Variants in HSD17B14 observed in about 807,000 individuals in gnomAD.
HSD17B14 encodes the protein hydroxysteroid 17-beta dehydrogenase 14, also known as L-fucose dehydrogenase.
A neutral mutation model predicts 32.2 loss-of-function variants in HSD17B14; 32 were observed. The observed-to-expected ratio is 0.99, with a 90% confidence interval of 0.75 to 1.33. HSD17B14 has a LOEUF of 1.33. Among genes scored for constraint, HSD17B14 ranks in the 40% most tolerant of loss-of-function variants. The pLI, the probability that HSD17B14 is intolerant of heterozygous loss-of-function variation, is 0.00. For synonymous variants in HSD17B14, 140 were observed against 155.4 expected (o/e 0.90, Z 0.74); for missense variants, 370 against 366.5 (o/e 1.01, Z -0.08).
intron 6 of HSD17B14, among the ~76,000 whole-genome samples, 172 bp downstream of exon 6, chr19:48,814,865 A>T (rs1333415863): frequency 1.3e-5 from 2 of 151,982 alleles, no homozygotes; most frequent in African/African-American, 4.8e-5. Context: ...AAAGAAAAGA[A>T]AAAACAGAAA....
chr19:48,819,092 A>T (rs186885695), intron 5 of HSD17B14, among the ~76,000 whole-genome samples: 5 of 152,202 alleles, frequency 3.3e-5, no homozygotes, highest in Non-Finnish European at 4.4e-5. Flanking sequence ...AGGTTCAAGC[A>T]ATTCTTCTGC....
chr19:48,814,202 A>AAAG (rs10685064), intron 6 of HSD17B14, among the ~76,000 whole-genome samples: 79,009 of 147,654 alleles, frequency 0.54, 21,590 homozygotes, highest in African/African-American at 0.67. Context: ...CTAAAAAAAA[A>AAAG]AAGAAGAAAA....
chr19:48,818,168 G>A (rs77954385), intron 5 of HSD17B14, among the ~76,000 whole-genome samples: 34,116 of 151,498 alleles, frequency 0.23, 3,942 homozygotes, highest in Admixed American at 0.26. Flanking sequence ...AAAATTAGCC[G>A]GGTGTGGTGG....
At chr19:48,833,909 G>A (rs2035395785) in intron 3 of HSD17B14, among the ~76,000 whole-genome samples, 1 of 152,072 alleles carries the variant, frequency 6.6e-6, no homozygotes, top group Admixed American at 6.6e-5. Flanking sequence ...AGAATGGCTT[G>A]AACTCGGTAG....
At chr19:48,823,638 T>C (rs1180840431) in intron 5 of HSD17B14, among the ~76,000 whole-genome samples, 4 of 128,984 alleles carry the variant, frequency 3.1e-5, no homozygotes, top group African/African-American at 1.3e-4. Context: ...TTTTCTTTTT[T>C]CTTTCTTTTT....
Position 48,832,777 on chromosome 19 carries a change from G to C in HSD17B14, c.211-45C>G, listed in dbSNP as rs1419752389. ...CCTTTGTTTTTTTTTTTTGGAGACG[G>C]TGTCTCCCTCTTGTCACTCAGGCTG... On this transcript the variant is annotated intron_variant, in intron 3 of 8. Transcript: ENST00000263278. 5.4e-6 allele frequency: 8 copies of C among 1,469,356 alleles called. No homozygotes were observed. The African/African-American group carries it at 1.1e-4, about 20-fold the overall frequency. The allele number at this position is 1,469,356 out of a possible 1,614,324, so 91.0% of individuals were successfully genotyped here. A position where few individuals can be genotyped will look rare whatever the true frequency, so the allele number is the denominator to read the frequency against.
At chr19:48,823,753 T>C (rs2035197065) in intron 5 of HSD17B14, among the ~76,000 whole-genome samples, 1 of 150,790 alleles carries the variant, frequency 6.6e-6, no homozygotes, top group South Asian at 2.1e-4. Flanking sequence ...TTCTCCTGCC[T>C]CAGCCTCCCG....
chr19:48,824,785 G>C (rs1599835604), intron 5 of HSD17B14, among the ~76,000 whole-genome samples: 1 of 150,060 alleles, frequency 6.7e-6, no homozygotes. Context: ...AAAAAAGAAA[G>C]AAAGAAAGAA....
chr19:48,832,707 C>A lies in HSD17B14; in HGVS notation c.236G>T (p.Arg79Leu), dbSNP rs201026226. The A allele has an allele frequency of 1.9e-6, 3 of 1,612,088 alleles. No homozygotes were observed. The highest frequency in any genetic ancestry group is 2.5e-6 in the Non-Finnish European group (3 of 1,179,656). ...GACAACACAATCCAGGCGGCCAAATCGGCGGATGGTCTCAGAAACCAGGGT... is the reference window on the plus strand; with the variant it reads ...GACAACACAATCCAGGCGGCCAAATAGGCGGATGGTCTCAGAAACCAGGGT... ...VKTLVSETIR[R>L]FGRLDCVVNN... The change falls in exon 4 of 9, where the codon CGA becomes CTA. Residue 79 changes from arginine (R) to leucine (L), a missense_variant. Physicochemically the swap from Arg to Leu is moderately radical, Grantham distance 102. Coordinates refer to ENST00000263278, the MANE Select transcript of HSD17B14 (RefSeq NM_016246.3).
At chr19:48,825,585 G>A (rs939513608) in intron 5 of HSD17B14, among the ~76,000 whole-genome samples, 3 of 151,430 alleles carry the variant, frequency 2.0e-5, no homozygotes, top group African/African-American at 7.3e-5. Context: ...TGCTGAGATT[G>A]CAGCATGATA....
chr19:48,820,982 G>T (rs549331556), intron 5 of HSD17B14, among the ~76,000 whole-genome samples: 1 of 150,810 alleles, frequency 6.6e-6, no homozygotes, highest in South Asian at 2.1e-4. Context: ...GATTACAGGC[G>T]TGAGCCACCC....
Position 48,835,796 on chromosome 19 carries a change from G to A in HSD17B14, c.127+9C>T, listed in dbSNP as rs201612709. 2.9e-5 allele frequency: 46 copies of A among 1,613,360 alleles called. No individual in the cohort carries two copies. In the East Asian group the frequency reaches 7.6e-4, roughly 27 times the overall value. Reference sequence around the variant, plus strand: ...GGGCCAAGGTGAGGGCTGAGGGACCGTCACTCACCATCCTTGTCGCAGATA... The same window carrying A: ...GGGCCAAGGTGAGGGCTGAGGGACCATCACTCACCATCCTTGTCGCAGATA... On this transcript the variant is annotated intron_variant, in intron 2 of 8. Transcript: ENST00000263278.
intron 1 of HSD17B14, 87 bp from the exon 2 acceptor site, chr19:48,835,930 C>T: frequency 8.3e-7 from 1 of 1,203,978 alleles, no homozygotes; most frequent in Admixed American, 1.8e-5. Context: ...TGGGGCTGAT[C>T]TCCCTCTCCC....
chr19:48,833,808 AGGAGCGAAACTCTGT>A (rs2035392944), intron 3 of HSD17B14, among the ~76,000 whole-genome samples: 1 of 151,094 alleles, frequency 6.6e-6, no homozygotes, highest in African/African-American at 2.4e-5. Context: ...CCTGGGCAAC[AGGAGCGAAACTCTGT>A]CTTAAAAAAA....
In HSD17B14 at chr19:48,813,090, AGGGCTTGGGGGC is replaced by A; in HGVS notation, c.*73_*84del. 1.2e-6 allele frequency: 1 copy of A among 866,078 alleles called. No individual in the cohort carries two copies. Among genetic ancestry groups the A allele is most frequent in the Non-Finnish European group, 1.8e-6 (1 of 561,304 alleles). The allele number at this position is 866,078 out of a possible 1,614,324, so 53.6% of individuals were successfully genotyped here. On this transcript the variant is annotated 3_prime_UTR_variant, in exon 9 of 9. Transcript: ENST00000263278. ...CCTTGCTAACTGGGCTTAGAGTCTA[AGGGCTTGGGGGC>A]TGCATCTGATACAGGTTGGAGTTTG...
chr19:48,834,309 G>C lies in HSD17B14; in HGVS notation c.177C>G (p.Ile59Met). Residue 59 changes from isoleucine to methionine, a missense_variant, in exon 3 of 9, where the codon ATC becomes ATG. Transcript: ENST00000263278. ...LEQELPGAVF[I>M]LCDVTQEDDV... is the part of the protein sequence containing the mutation. ...CATCTTCCTGAGTCACATCACAGAG[G>C]ATAAAGACAGCTCCAGGGAGCTCCT... The C allele has an allele frequency of 6.2e-7, 1 of 1,614,094 alleles. No homozygotes were observed. The highest frequency in any genetic ancestry group is 1.1e-5 in the South Asian group (1 of 91,082).
At chr19:48,829,929 C>T (rs1429737288) in intron 5 of HSD17B14, among the ~76,000 whole-genome samples, 1 of 152,068 alleles carries the variant, frequency 6.6e-6, no homozygotes, top group Non-Finnish European at 1.5e-5. Context: ...AGGCGTAAGC[C>T]ACCATGCCTG....
In HSD17B14 at chr19:48,813,245, C is replaced by T; in HGVS notation, c.743G>A (p.Gly248Asp). 4 of 1,608,670 alleles carry T rather than the reference C, an allele frequency of 2.5e-6. No homozygotes were observed. Among genetic ancestry groups the T allele is most frequent in the Admixed American group, 1.7e-5 (1 of 59,260 alleles). ...CTGIELLVTG[G>D]AELGYGCKAS... Reference sequence around the variant, plus strand: ...CTTGCACCCGTACCCCAGCTCTGCACCCCCCGTCACGAGCAGTTCAATGCC... The same window carrying T: ...CTTGCACCCGTACCCCAGCTCTGCATCCCCCGTCACGAGCAGTTCAATGCC... Residue 248 changes from glycine (G) to aspartate (D), a missense_variant, in exon 9 of 9, where the codon GGT becomes GAT. Transcript: ENST00000263278.
intron 5 of HSD17B14, among the ~76,000 whole-genome samples, chr19:48,816,902 C>A (rs1183259006): frequency 6.6e-6 from 1 of 151,206 alleles, no homozygotes; most frequent in Non-Finnish European, 1.5e-5. Context: ...GTGGTGCAAT[C>A]TCAGCTCATT....
Sources: allele counts gnomAD v4.1 joint callset (sites outside exome capture counted in the v4.1 genomes callset), GRCh38; gene constraint gnomAD v4.1.1; transcripts MANE v1.5; gene names NCBI Gene and HGNC (gene_info 2026-07-23, HGNC 2026-07-21).